The following OPCML variants were observed in gnomAD, a reference collection of about 807,000 sequenced individuals.
The protein encoded by OPCML is opioid binding protein/cell adhesion molecule like, also known as opioid-binding protein/cell adhesion molecule.
In OPCML, 13 loss-of-function variants were observed where a neutral mutation model predicts 37.8. The observed-to-expected ratio is 0.34, with a 90% CI of 0.22 to 0.55. OPCML has a LOEUF of 0.55. OPCML is among the 20% of genes least tolerant of loss of function. The pLI is 0.91. For synonymous variants in OPCML, 176 were observed against 168.8 expected (o/e 1.04, Z -0.33); for missense variants, 341 against 435.6 (o/e 0.78, Z 1.93).
In OPCML at chr11:132,637,077, C is replaced by T. The variant is rs148091618; in HGVS notation, c.379+20010G>A. Among the ~76,000 whole-genome samples the T allele has an allele frequency of 8.2e-3, 1,243 of 152,030 alleles. 7 individuals are homozygous for T. The highest frequency in any genetic ancestry group is 0.012 in the Non-Finnish European group (786 of 68,002). On this transcript the variant is annotated intron_variant, in intron 3 of 7. Transcript: ENST00000524381. ...CACCAAGATAGATGACTAGGTCAGG[C>T]GCATACTACCTATTTATATATTTTT...
At chr11:132,908,994 G>A (rs181760352) in intron 2 of OPCML, among the ~76,000 whole-genome samples, 209 of 152,238 alleles carry the variant, frequency 1.4e-3, no homozygotes, top group East Asian at 5.8e-4. Context: ...GAAGAGCGTC[G>A]CTCAGGGGTC....
chr11:133,265,620 G>C (rs1248324717), intron 1 of OPCML, among the ~76,000 whole-genome samples: 1 of 152,182 alleles, frequency 6.6e-6, no homozygotes, highest in Non-Finnish European at 1.5e-5. Context: ...AAACAAGACG[G>C]AAGCCAGTGT....
At chr11:132,902,584 T>C (rs1041179451) in intron 2 of OPCML, among the ~76,000 whole-genome samples, 6 of 152,124 alleles carry the variant, frequency 3.9e-5, no homozygotes, top group Non-Finnish European at 8.8e-5. Flanking sequence ...TTACTGGGCT[T>C]GTTGGGGCTC....
intron 1 of OPCML, among the ~76,000 whole-genome samples, chr11:133,145,515 A>C (rs1949885256): frequency 6.6e-6 from 1 of 152,240 alleles, no homozygotes; most frequent in Non-Finnish European, 1.5e-5. Context: ...GGAAAGTTTG[A>C]TAAGGTCACA....
At chr11:133,003,113 G>A (rs1262609277) in intron 1 of OPCML, among the ~76,000 whole-genome samples, 1 of 152,228 alleles carries the variant, frequency 6.6e-6, no homozygotes, top group Non-Finnish European at 1.5e-5. Context: ...GCTTCATTAA[G>A]TGAATGTTTA....
chr11:133,453,275 A>G (rs1806681695), intron 1 of OPCML, among the ~76,000 whole-genome samples: 1 of 152,230 alleles, frequency 6.6e-6, no homozygotes, highest in South Asian at 2.1e-4. Context: ...CTTAATCAGA[A>G]TGAGGTTCTG....
intron 1 of OPCML, among the ~76,000 whole-genome samples, chr11:133,402,320 G>A (rs1945422641): frequency 6.6e-6 from 1 of 152,102 alleles, no homozygotes; most frequent in Admixed American, 6.5e-5. Flanking sequence ...TGAAGGCAGG[G>A]CCATCATGAC....
At chr11:133,315,802 G>GA (rs982415885) in intron 1 of OPCML, among the ~76,000 whole-genome samples, 2 of 151,464 alleles carry the variant, frequency 1.3e-5, no homozygotes, top group South Asian at 2.1e-4. Flanking sequence ...CCATCCCAGG[G>GA]AAAAAAAAGA....
intron 4 of OPCML, among the ~76,000 whole-genome samples, chr11:132,490,568 C>T (rs2096212480): frequency 6.6e-6 from 1 of 152,036 alleles, no homozygotes; most frequent in East Asian, 1.9e-4. Flanking sequence ...GAAGAACCTC[C>T]AGCACGTTGG....
intron 3 of OPCML, among the ~76,000 whole-genome samples, chr11:132,552,761 C>CCCTTTTTTTTTT (rs1337627753): frequency 3.0e-5 from 2 of 67,476 alleles, no homozygotes; most frequent in Admixed American, 1.5e-4. Context: ...TTAAACACTA[C>CCCTTTTTTTTTT]TCTTTTTTTT....
intron 1 of OPCML, among the ~76,000 whole-genome samples, chr11:133,197,789 CCTT>C (rs1182598776): frequency 6.6e-6 from 1 of 152,194 alleles, no homozygotes; most frequent in Non-Finnish European, 1.5e-5. Context: ...TTTACTGATG[CCTT>C]GCTTCAATGG....
intron 1 of OPCML, among the ~76,000 whole-genome samples, chr11:133,046,726 A>G (rs1171122960): frequency 6.6e-6 from 1 of 152,114 alleles, no homozygotes; most frequent in Non-Finnish European, 1.5e-5. Flanking sequence ...TCCTCTGCCT[A>G]TGTTGTGGGC....
At chr11:132,574,246 T>A (rs563481417) in intron 3 of OPCML, among the ~76,000 whole-genome samples, 2 of 117,226 alleles carry the variant, frequency 1.7e-5, no homozygotes, top group Admixed American at 7.9e-5. Flanking sequence ...ATCTTTGTGT[T>A]TTTTTTTTTT....
chr11:133,025,627 G>T, intron 1 of OPCML: 1 of 273,002 alleles, frequency 3.7e-6, no homozygotes, highest in Non-Finnish European at 5.6e-6. Flanking sequence ...CTCACTTGTT[G>T]GCCAGGCTAG....
intron 2 of OPCML, among the ~76,000 whole-genome samples, chr11:132,739,368 G>A (rs781608801): frequency 1.3e-5 from 2 of 152,012 alleles, no homozygotes; most frequent in East Asian, 1.9e-4. Flanking sequence ...TATTTTGTCC[G>A]TATAATTTGC....
At chr11:133,394,601 G>A (rs11223463) in intron 1 of OPCML, among the ~76,000 whole-genome samples, 82,136 of 151,884 alleles carry the variant, frequency 0.54, 24,417 homozygotes, top group Middle Eastern at 0.71. Context: ...TCTGCTCTCC[G>A]CTCCATTAGT....
chr11:132,958,985 T>A (rs191291391), intron 1 of OPCML, among the ~76,000 whole-genome samples: 8 of 152,350 alleles, frequency 5.3e-5, no homozygotes, highest in African/African-American at 1.9e-4. Flanking sequence ...ATTTTATTAT[T>A]CAAGAGATAC....
chr11:132,626,806 G>A (rs1164325005), intron 3 of OPCML, among the ~76,000 whole-genome samples: 1 of 162 alleles, frequency 6.2e-3, no homozygotes, highest in Non-Finnish European at 0.014. Context: ...GGTTTTAAAG[G>A]GAAGTTTCTC....
At chr11:132,502,032 T>G (rs920398726) in intron 4 of OPCML, among the ~76,000 whole-genome samples, 1 of 152,176 alleles carries the variant, frequency 6.6e-6, no homozygotes, top group African/African-American at 2.4e-5. Context: ...TTCAGGAAAG[T>G]GGATAGATAC....
Sources: allele counts gnomAD v4.1 joint callset (sites outside exome capture counted in the v4.1 genomes callset), GRCh38; gene constraint gnomAD v4.1.1; transcripts MANE v1.5; gene names NCBI Gene and HGNC (gene_info 2026-07-23, HGNC 2026-07-21).